Variants in LAMA3 observed in about 807,000 individuals in gnomAD.
LAMA3 encodes laminin subunit alpha 3.
In LAMA3, 281 loss-of-function variants were observed where a neutral mutation model predicts 402.0. The observed-to-expected ratio is 0.70, with a 90% CI of 0.63 to 0.77. The LOEUF (loss-of-function observed/expected upper bound fraction) is 0.77, where lower values mean the gene tolerates loss of function less well. LAMA3 is among the 30% of genes least tolerant of loss of function. LAMA3 has a pLI of 0.00. For synonymous variants in LAMA3, 1,431 were observed against 1,558.4 expected (o/e 0.92, Z 1.93); for missense variants, 3,840 against 4,215.5 (o/e 0.91, Z 2.47).
chr18:23,895,898 G>A (rs1048787366), intron 44 of LAMA3, among the ~76,000 whole-genome samples: 5 of 151,434 alleles, frequency 3.3e-5, no homozygotes, highest in Admixed American at 2.6e-4. Context: ...TGATTCTAAC[G>A]TAGGCATATA....
intron 55 of LAMA3, among the ~76,000 whole-genome samples, chr18:23,912,204 G>A (rs1488153569): frequency 6.7e-6 from 1 of 149,968 alleles, no homozygotes; most frequent in Non-Finnish European, 1.5e-5. Context: ...CATGATCATG[G>A]CATGCTGCAG....
At chr18:23,868,605 C>T (rs886671652) in intron 37 of LAMA3, among the ~76,000 whole-genome samples, 1 of 152,134 alleles carries the variant, frequency 6.6e-6, no homozygotes, top group Non-Finnish European at 1.5e-5. Flanking sequence ...GAGTGAGACC[C>T]TGTCTCAAAC....
chr18:23,909,079 G>C, intron 54 of LAMA3, 74 bp from the exon 55 acceptor site: 1 of 1,416,570 alleles, frequency 7.1e-7, no homozygotes, highest in Non-Finnish European at 1.0e-6. Context: ...GACAAATACT[G>C]TCAGTAAGAA....
chr18:23,889,557 CAAGAAAGAAAAGA>C (rs1303327121), intron 41 of LAMA3, among the ~76,000 whole-genome samples: 1 of 138,986 alleles, frequency 7.2e-6, no homozygotes, highest in Non-Finnish European at 1.6e-5. Context: ...GTAAGACTGT[CAAGAAAGAAAAGA>C]AAGAAAGAAA....
chr18:23,937,261 G>A (rs2082338453), intron 67 of LAMA3, among the ~76,000 whole-genome samples: 1 of 151,880 alleles, frequency 6.6e-6, no homozygotes, highest in Non-Finnish European at 1.5e-5. Context: ...AGCCACTGGG[G>A]AGGCTGAGGC....
chr18:23,932,383 C>T, intron 66 of LAMA3, 92 bp downstream of exon 66: 5 of 1,358,370 alleles, frequency 3.7e-6, no homozygotes, highest in Non-Finnish European at 5.3e-6. Context: ...TCAGCTTTGT[C>T]AACATGTGCT....
At position 23,915,382 on chromosome 18, in the gene LAMA3, A is replaced by G; in HGVS notation, c.7738A>G (p.Thr2580Ala). 1.2e-6 allele frequency: 2 copies of G among 1,613,940 alleles called. No individual in the cohort carries two copies. Among genetic ancestry groups the G allele is most frequent in the African/African-American group, 1.3e-5 (1 of 75,062 alleles). The change falls in exon 59 of 75, where the codon ACA becomes GCA. Residue 2580 changes from threonine to alanine, a missense_variant. By Grantham distance (58) the Thr-to-Ala change is moderately conservative. Transcript: ENST00000313654. ...NVLSLYNFKKTFNLNTTEVEP... is the reference protein window; with the variant it reads ...NVLSLYNFKKAFNLNTTEVEP... ...TCTGAGCTTGTACAACTTCAAAAAA[A>G]CATTCAATCTCAACACAACTGAAGT...
intron 14 of LAMA3, 101 bp from the exon 15 acceptor site, chr18:23,814,302 T>C (rs1043666517): frequency 2.0e-5 from 18 of 916,010 alleles, no homozygotes; most frequent in Non-Finnish European, 2.7e-5. Flanking sequence ...TTACTTTTCA[T>C]GACCAAAATA....
intron 1 of LAMA3, among the ~76,000 whole-genome samples, chr18:23,711,199 A>G (rs1406908084): frequency 6.6e-6 from 1 of 152,236 alleles, no homozygotes; most frequent in African/African-American, 2.4e-5. Flanking sequence ...TGTATCTATT[A>G]TATCAGTCAG....
At chr18:23,837,718 A>G (rs893919923) in intron 25 of LAMA3, among the ~76,000 whole-genome samples, 1 of 151,416 alleles carries the variant, frequency 6.6e-6, no homozygotes, top group African/African-American at 2.4e-5. Context: ...ACTAGAAAGG[A>G]GGTGGCCAGA....
intron 43 of LAMA3, 74 bp from the exon 44 acceptor site, chr18:23,894,833 A>C (rs1183512898): frequency 1.3e-5 from 20 of 1,590,802 alleles, no homozygotes; most frequent in Non-Finnish European, 1.7e-5. Flanking sequence ...ACTGGGCTGC[A>C]TAGCACTTGT....
chr18:23,833,790 A>G (rs1233446931), intron 23 of LAMA3, 38 bp from the exon 24 acceptor site: 1 of 1,611,608 alleles, frequency 6.2e-7, no homozygotes. Flanking sequence ...TACATGTCAC[A>G]GCTGGATCAC....
intron 8 of LAMA3, among the ~76,000 whole-genome samples, chr18:23,767,587 T>TTC (rs1436373639): frequency 6.7e-6 from 1 of 148,662 alleles, no homozygotes; most frequent in African/African-American, 2.5e-5. Flanking sequence ...TCTTTTTTTT[T>TTC]TTTTTTTTTA....
rs1555684952 is a variant in LAMA3, at chr18:23,753,801, TC to T, written c.938del (p.Pro313LeufsTer66). 1.2e-6 allele frequency: 2 copies of T among 1,612,350 alleles called. No individual in the cohort carries two copies. Among genetic ancestry groups the T allele is most frequent in the African/African-American group, 2.7e-5 (2 of 74,878 alleles). On this transcript the variant is annotated frameshift_variant, in exon 6 of 75. Coordinates refer to ENST00000313654, the MANE Select transcript of LAMA3 (RefSeq NM_198129.4). LOFTEE classifies it high-confidence loss of function. The stretch of plus-strand genomic sequence containing the variant: ...ATGCTGAAGTGTGCAATATAAACAA[TC>T]CTGAAAAACTGTAAGTACACTGTAC... ...GHAEVCNINNPEKLFRCECQH... is the reference protein window; with the variant it reads ...GHAEVCNINNXEKLFRCECQH...
At chr18:23,892,739 C>T (rs1432037641) in intron 42 of LAMA3, among the ~76,000 whole-genome samples, 1 of 151,918 alleles carries the variant, frequency 6.6e-6, no homozygotes, top group Non-Finnish European at 1.5e-5. Context: ...CCTGTCTCTA[C>T]TAAAAATACA....
Position 23,916,756 on chromosome 18 carries a change from G to A in LAMA3, c.7923+61G>A. On this transcript the variant is annotated intron_variant, in intron 60 of 74. Transcript: ENST00000313654. ...TATTCATTCTGTTTAGCAATTTGGA[G>A]ATAACTGGGTTGTTATAAATGACCC... 4 of 1,544,654 alleles carry A rather than the reference G, an allele frequency of 2.6e-6. No homozygotes were observed. The Admixed American group carries it at 5.0e-5, about 19-fold the overall frequency.
chr18:23,705,396 C>T (rs1239602945), intron 1 of LAMA3, among the ~76,000 whole-genome samples: 1 of 151,650 alleles, frequency 6.6e-6, no homozygotes, highest in Non-Finnish European at 1.5e-5. Context: ...CATACATCTG[C>T]CCACTACCAG....
At chr18:23,841,690 A>G (rs1390668197) in intron 27 of LAMA3, among the ~76,000 whole-genome samples, 1 of 152,194 alleles carries the variant, frequency 6.6e-6, no homozygotes, top group Non-Finnish European at 1.5e-5. Flanking sequence ...TGGGAGGCCA[A>G]GGCGGCAGTA....
intron 48 of LAMA3, 115 bp downstream of exon 48, chr18:23,901,438 A>C: frequency 1.2e-6 from 1 of 820,296 alleles, no homozygotes; most frequent in Non-Finnish European, 2.1e-6. Context: ...TCATTATACC[A>C]CCTCAGACCC....
Sources: gnomAD v4.1 joint callset for allele counts (sites outside exome capture counted in the v4.1 genomes callset) on GRCh38, gnomAD v4.1.1 for gene constraint, MANE v1.5 for transcripts, NCBI Gene and HGNC (gene_info 2026-07-23, HGNC 2026-07-21) for gene names.